The following CALN1 variants were observed in gnomAD, a reference collection of about 807,000 sequenced individuals.
CALN1 encodes calcium-binding protein 8.
CALN1 carries 17 observed loss-of-function variants against 30.6 expected under a neutral mutation model. That is an observed-to-expected ratio of 0.56 (90% confidence interval 0.38 to 0.83). The LOEUF is 0.83. Among genes scored for constraint, CALN1 ranks in the 40% least tolerant of loss-of-function variants. The probability of loss-of-function intolerance (pLI) is 0.00; values close to 1 mark genes in which losing one functional copy is unlikely to be tolerated. For synonymous variants in CALN1, 156 were observed against 131.4 expected, an observed-to-expected ratio of 1.19 and a Z score of -1.28; for missense variants, 291 against 354.9, an observed-to-expected ratio of 0.82 and a Z score of 1.45.
At chr7:71,891,976 T>G (rs1248184909) in intron 5 of CALN1, among the ~76,000 whole-genome samples, 1 of 151,198 alleles carries the variant, frequency 6.6e-6, no homozygotes, top group Non-Finnish European at 1.5e-5. Context: ...AAATAACAAG[T>G]GCTATGTATG....
At chr7:72,179,128 G>A (rs564166105) in intron 3 of CALN1, among the ~76,000 whole-genome samples, 63 of 152,282 alleles carry the variant, frequency 4.1e-4, no homozygotes, top group Non-Finnish European at 7.1e-4. Context: ...GTGAAAAGTT[G>A]ATCTAAATTA....
intron 4 of CALN1, among the ~76,000 whole-genome samples, chr7:72,054,488 T>C (rs372331214): frequency 0.26 from 28,033 of 105,876 alleles, 5,011 homozygotes; most frequent in East Asian, 0.73. Flanking sequence ...TACATATATA[T>C]ATACATATAT....
chr7:72,133,273 C>G (rs1396222958), intron 3 of CALN1, among the ~76,000 whole-genome samples: 1 of 152,082 alleles, frequency 6.6e-6, no homozygotes, highest in Non-Finnish European at 1.5e-5. Flanking sequence ...GTGACCATCA[C>G]TTTGACTAAT....
chr7:72,136,135 A>AT (rs1372974542), intron 3 of CALN1, among the ~76,000 whole-genome samples: 5 of 138,186 alleles, frequency 3.6e-5, no homozygotes, highest in African/African-American at 8.0e-5. Context: ...ACTCTGTCTC[A>AT]AAAATAAATA....
At chr7:72,326,586 C>CA (rs1177519837) in intron 2 of CALN1, among the ~76,000 whole-genome samples, 1 of 152,220 alleles carries the variant, frequency 6.6e-6, no homozygotes, top group Non-Finnish European at 1.5e-5. Flanking sequence ...CATCAGTGTT[C>CA]AGTACAGATG....
At chr7:72,405,351 T>C (rs1806628233) in intron 1 of CALN1, among the ~76,000 whole-genome samples, 1 of 152,136 alleles carries the variant, frequency 6.6e-6, no homozygotes, top group South Asian at 2.1e-4. Context: ...GTAACACTCA[T>C]AGCCTAGGGA....
At chr7:72,349,784 G>A (rs1044624353) in intron 2 of CALN1, among the ~76,000 whole-genome samples, 1 of 152,128 alleles carries the variant, frequency 6.6e-6, no homozygotes, top group South Asian at 2.1e-4. Context: ...TTGTTATGGG[G>A]TTGTCTGCTT....
At chr7:72,278,253 A>G (rs1304954871) in intron 3 of CALN1, among the ~76,000 whole-genome samples, 2 of 152,172 alleles carry the variant, frequency 1.3e-5, no homozygotes, top group Non-Finnish European at 2.9e-5. Context: ...GATTCAAAGC[A>G]CCATGGCCAG....
upstream of CALN1, among the ~76,000 whole-genome samples, chr7:72,449,085 G>T (rs1400572093): frequency 6.6e-6 from 1 of 152,084 alleles, no homozygotes; most frequent in Non-Finnish European, 1.5e-5. Context: ...TCTACTAAGA[G>T]CATGCATTTG....
intron 2 of CALN1, among the ~76,000 whole-genome samples, chr7:72,377,950 T>C (rs578015559): frequency 6.6e-6 from 1 of 152,260 alleles, no homozygotes; most frequent in South Asian, 2.1e-4. Context: ...TATTGGAGTT[T>C]TTCAAAGCCT....
chr7:71,896,344 G>C (rs1793529858), intron 5 of CALN1, among the ~76,000 whole-genome samples: 1 of 152,056 alleles, frequency 6.6e-6, no homozygotes, highest in Non-Finnish European at 1.5e-5. Flanking sequence ...TACTAATTCA[G>C]TGTGTCTCTA....
At chr7:71,909,493 C>A (rs566676112) in intron 5 of CALN1, among the ~76,000 whole-genome samples, 2 of 151,736 alleles carry the variant, frequency 1.3e-5, no homozygotes, top group African/African-American at 4.8e-5. Flanking sequence ...CACATGGATT[C>A]CAATGGATTG....
chr7:72,070,907 G>T (rs1442764661), intron 4 of CALN1, among the ~76,000 whole-genome samples: 2 of 152,146 alleles, frequency 1.3e-5, no homozygotes, highest in African/African-American at 4.8e-5. Flanking sequence ...AGCTTCCAAT[G>T]CAAAGGCTTA....
At chr7:72,189,085 A>C (rs1036168470) in intron 3 of CALN1, among the ~76,000 whole-genome samples, 22 of 152,220 alleles carry the variant, frequency 1.4e-4, no homozygotes, top group Non-Finnish European at 2.6e-4. Context: ...AATCAGAGCC[A>C]AAATTAAGAG....
chr7:72,079,709 C>G (rs1040924627), intron 4 of CALN1, among the ~76,000 whole-genome samples: 21 of 151,222 alleles, frequency 1.4e-4, no homozygotes, highest in African/African-American at 5.1e-4. Context: ...CTCACTGAAA[C>G]CACTGGCCCT....
chr7:71,937,581 G>C (rs938962502), intron 5 of CALN1, among the ~76,000 whole-genome samples: 1 of 151,960 alleles, frequency 6.6e-6, no homozygotes, highest in Non-Finnish European at 1.5e-5. Flanking sequence ...TAGGCTCAAG[G>C]GATCCTCCCA....
intron 3 of CALN1, among the ~76,000 whole-genome samples, chr7:72,182,576 T>TA (rs1418667057): frequency 1.3e-5 from 2 of 151,902 alleles, no homozygotes; most frequent in African/African-American, 2.4e-5. Context: ...AAAAATTAGT[T>TA]AGACGTGGTG....
intron 2 of CALN1, among the ~76,000 whole-genome samples, chr7:72,280,668 C>A (rs200565560): frequency 6.6e-6 from 1 of 152,126 alleles, no homozygotes; most frequent in Admixed American, 6.5e-5. Flanking sequence ...CATTTGAGTA[C>A]GGACTGATAC....
At chr7:72,347,454 C>T (rs1009042754) in intron 2 of CALN1, among the ~76,000 whole-genome samples, 10 of 151,942 alleles carry the variant, frequency 6.6e-5, no homozygotes, top group Admixed American at 2.6e-4. Context: ...TTAGTAGAGA[C>T]GGGGTTTCTC....
Sources: gnomAD v4.1 joint callset for allele counts (sites outside exome capture counted in the v4.1 genomes callset) on GRCh38, gnomAD v4.1.1 for gene constraint, MANE v1.5 for transcripts, NCBI Gene and HGNC (gene_info 2026-07-23, HGNC 2026-07-21) for gene names.